TMEM53: variants seen among roughly 807,000 people sequenced by gnomAD.
TMEM53 encodes novel DUF829 domain-containing protein.
Under a neutral mutation model 21.4 loss-of-function variants are expected in TMEM53, and 14 were observed. The observed-to-expected ratio is 0.65, with a 90% CI of 0.43 to 1.02. TMEM53 has a LOEUF of 1.02. TMEM53 is among the 50% of genes least tolerant of loss of function. The pLI, the probability that TMEM53 is intolerant of heterozygous loss-of-function variation, is 0.00. For missense variants in TMEM53, 323 were observed against 383.6 expected (o/e 0.84, Z 1.32); for synonymous variants, 148 against 157.4 (o/e 0.94, Z 0.45).
chr1:44,665,148 CCCA>C (rs1339994034), intron 1 of TMEM53, among the ~76,000 whole-genome samples: 1 of 151,536 alleles, frequency 6.6e-6, no homozygotes, highest in Non-Finnish European at 1.5e-5. Flanking sequence ...TGCCACAGCA[CCCA>C]CCACCACACC....
intron 2 of TMEM53, among the ~76,000 whole-genome samples, chr1:44,656,133 C>G (rs1445680322): frequency 6.6e-6 from 1 of 152,098 alleles, no homozygotes; most frequent in Non-Finnish European, 1.5e-5. Context: ...TGGGGTCAGA[C>G]AGGTCCGGGT....
intron 1 of TMEM53, among the ~76,000 whole-genome samples, chr1:44,661,894 T>TC (rs1332646251): frequency 6.6e-6 from 1 of 151,982 alleles, no homozygotes; most frequent in Non-Finnish European, 1.5e-5. Flanking sequence ...TCATCTCATT[T>TC]CCCCTGCAAA....
chr1:44,669,875 T>C (rs1461531170), intron 1 of TMEM53, among the ~76,000 whole-genome samples: 4 of 151,114 alleles, frequency 2.6e-5, no homozygotes, highest in Non-Finnish European at 5.9e-5. Flanking sequence ...CTCGGCTCAC[T>C]GCAACCTCCG....
At chr1:44,657,620 C>T (rs1402719581) in intron 2 of TMEM53, among the ~76,000 whole-genome samples, 1 of 152,178 alleles carries the variant, frequency 6.6e-6, no homozygotes, top group Non-Finnish European at 1.5e-5. Context: ...TCACTGCAGC[C>T]TCAACTTTCC....
intron 1 of TMEM53, among the ~76,000 whole-genome samples, chr1:44,660,519 C>G (rs1644891117): frequency 1.3e-5 from 2 of 152,206 alleles, no homozygotes; most frequent in African/African-American, 4.8e-5. Flanking sequence ...ACAAGGGCAC[C>G]TTTCTTTAGA....
intron 1 of TMEM53, among the ~76,000 whole-genome samples, chr1:44,672,648 G>A (rs894081353): frequency 6.6e-6 from 1 of 152,142 alleles, no homozygotes; most frequent in East Asian, 1.9e-4. Flanking sequence ...ACAGAGGGAG[G>A]CAGGACAAAA....
intron 1 of TMEM53, among the ~76,000 whole-genome samples, chr1:44,663,597 A>G (rs192018413): frequency 5.3e-5 from 8 of 151,852 alleles, no homozygotes; most frequent in South Asian, 2.1e-4. Flanking sequence ...TGATTCTTCC[A>G]CCCTCTTGTA....
chr1:44,661,305 A>G (rs1411786605), intron 1 of TMEM53, among the ~76,000 whole-genome samples: 2 of 152,106 alleles, frequency 1.3e-5, no homozygotes, highest in Non-Finnish European at 2.9e-5. Context: ...ATCTCAGCTC[A>G]GGGCAACCTC....
intron 1 of TMEM53, among the ~76,000 whole-genome samples, chr1:44,670,978 C>A (rs1232963280): frequency 6.6e-6 from 1 of 152,218 alleles, no homozygotes; most frequent in Non-Finnish European, 1.5e-5. Context: ...GATGTCAGAG[C>A]AGCTCTGGCT....
At chr1:44,662,750 T>C (rs1644913207) in intron 1 of TMEM53, among the ~76,000 whole-genome samples, 1 of 148,028 alleles carries the variant, frequency 6.8e-6, no homozygotes, top group Non-Finnish European at 1.5e-5. Context: ...TTATCGCAAA[T>C]ACAGAGAAAG....
rs1438693632 is a variant in TMEM53 at position 44,653,969 on chromosome 1, T to G, written c.*590A>C. 1 of 152,518 alleles carries G rather than the reference T, an allele frequency of 6.6e-6. No homozygotes were observed. The highest frequency in any genetic ancestry group is 2.4e-5 in the African/African-American group (1 of 41,450). 9.4% of individuals were successfully genotyped at this position (152,518 alleles called of 1,614,324 possible). On this transcript the variant is annotated 3_prime_UTR_variant, in exon 3 of 3. Transcript: ENST00000372237. ...GTATCGTACACACTTACAATTTTGT[T>G]AGGTGATCTTGGCCAGGCGCGGTGA...
intron 1 of TMEM53, among the ~76,000 whole-genome samples, chr1:44,663,203 G>T (rs1448300191): frequency 6.6e-6 from 1 of 152,186 alleles, no homozygotes; most frequent in Non-Finnish European, 1.5e-5. Flanking sequence ...ACAGGCACGT[G>T]CCACCATGGC....
At chr1:44,657,934 T>C (rs772729044) in intron 2 of TMEM53, among the ~76,000 whole-genome samples, 2 of 152,056 alleles carry the variant, frequency 1.3e-5, no homozygotes, top group Non-Finnish European at 2.9e-5. Context: ...AAAGTCTTCC[T>C]TTCCAAGACT....
chr1:44,655,164 A>T lies in TMEM53; in HGVS notation c.229T>A (p.Phe77Ile). Residue 77 changes from phenylalanine to isoleucine, a missense_variant, in exon 3 of 3, where the codon TTC (phenylalanine) becomes ATC (isoleucine). Physicochemically the swap from Phe to Ile is conservative, Grantham distance 21. Coordinates refer to ENST00000372237, the MANE Select transcript of TMEM53 (RefSeq NM_024587.4). The surrounding 1 kb of genome is among the most constrained non-coding windows in gnomAD (Gnocchi z 4.4). ...GAAGGGATACCCAGTGACTCGGAGA[A>T]GAAGACCATGTGCCACGGGGCTGTG... ...RYTAPWHMVF[F>I]SESLGIPSLR... 1 of 1,613,624 alleles carries T rather than the reference A, an allele frequency of 6.2e-7. No homozygotes were observed. Among genetic ancestry groups the T allele is most frequent in the Non-Finnish European group, 8.5e-7 (1 of 1,179,734 alleles).
intron 1 of TMEM53, among the ~76,000 whole-genome samples, chr1:44,673,174 C>A (rs1645027639): frequency 6.6e-6 from 1 of 152,236 alleles, no homozygotes. Flanking sequence ...CCAGCAGATC[C>A]AGTTCTAGGG....
chr1:44,660,777 G>T (rs1471857470), intron 1 of TMEM53, among the ~76,000 whole-genome samples: 2 of 151,594 alleles, frequency 1.3e-5, no homozygotes, highest in Non-Finnish European at 2.9e-5. Flanking sequence ...GAGGTCAGGA[G>T]ATTGAGACCA....
chr1:44,660,335 T>C (rs934759137), intron 1 of TMEM53, 40 bp from the exon 2 acceptor site: 1 of 1,563,736 alleles, frequency 6.4e-7, no homozygotes, highest in East Asian at 2.3e-5. Context: ...AGAGCTGGGG[T>C]GGGGGCGGGG....
chr1:44,662,469 G>C (rs928378209), intron 1 of TMEM53, among the ~76,000 whole-genome samples: 1 of 152,182 alleles, frequency 6.6e-6, no homozygotes, highest in African/African-American at 2.4e-5. Flanking sequence ...TTCTGGTGGA[G>C]AGGCCCTGGG....
At chr1:44,674,258 C>T (rs1645058408) in intron 1 of TMEM53, 73 bp downstream of exon 1, 4 of 1,535,578 alleles carry the variant, frequency 2.6e-6, no homozygotes, top group East Asian at 2.4e-5. Flanking sequence ...AGGGGCGGGG[C>T]TACAGCTGCG....
Sources: allele counts gnomAD v4.1 joint callset (sites outside exome capture counted in the v4.1 genomes callset), GRCh38; gene constraint gnomAD v4.1.1; non-coding constraint Gnocchi (gnomAD v3.1); transcripts MANE v1.5; gene names NCBI Gene and HGNC (gene_info 2026-07-23, HGNC 2026-07-21).